Variants in STK25 observed in about 807,000 individuals in gnomAD.
STK25 encodes serine/threonine kinase 25, also known as serine/threonine-protein kinase 25.
A neutral mutation model predicts 53.8 loss-of-function variants in STK25; 29 were observed. The ratio of observed to expected loss-of-function variants is 0.54; its 90% CI spans 0.40 to 0.74. The LOEUF (loss-of-function observed/expected upper bound fraction) is 0.74. Ranked by LOEUF, STK25 falls within the 30% of genes least tolerant of loss-of-function variation. The pLI, the probability that STK25 is intolerant of heterozygous loss-of-function variation, is 0.00. For missense variants in STK25, 420 were observed against 568.0 expected (o/e 0.74, Z 2.65); for synonymous variants, 247 against 238.3 (o/e 1.04, Z -0.33).
Position 241,493,312 on chromosome 2 carries a change from G to A in STK25, c.*2350C>T, listed in dbSNP as rs753995061. ...TTGCAGGATGACTACCCACTGGCCA[G>A]CCTCCCGCTGCTGGGCTACAGCGTG... On this transcript the variant is annotated 3_prime_UTR_variant, in exon 12 of 12. Coordinates refer to ENST00000316586, the MANE Select transcript of STK25 (RefSeq NM_001271977.2). The A allele has an allele frequency of 1.2e-6, 2 of 1,613,864 alleles. No homozygotes were observed. Among genetic ancestry groups the A allele is most frequent in the Non-Finnish European group, 1.7e-6 (2 of 1,179,992 alleles).
rs185787569 is a variant in STK25 at position 241,495,713 on chromosome 2, A to G, written c.1242-12T>C. 835 of 1,613,962 alleles carry G rather than the reference A, an allele frequency of 5.2e-4. 9 individuals are homozygous for G. In the Admixed American group the frequency reaches 0.013, roughly 25 times the overall value. On this transcript the variant is annotated splice_polypyrimidine_tract_variant and intron_variant, in intron 11 of 11. Transcript: ENST00000316586. ...TGTTGTGTGAAAACCTGCAGAGAGA[A>G]GAGCCCACTGCTGCGTGCGTGCACC...
rs1050128052 is a variant in STK25 at position 241,493,269 on chromosome 2, C to T, written c.*2393G>A. 5.0e-6 allele frequency: 8 copies of T among 1,610,478 alleles called. No individual in the cohort carries two copies. In the African/African-American group the frequency reaches 5.3e-5, roughly 11 times the overall value. On this transcript the variant is annotated 3_prime_UTR_variant, in exon 12 of 12. Coordinates refer to ENST00000316586, the MANE Select transcript of STK25 (RefSeq NM_001271977.2). Reference sequence around the variant, plus strand: ...CCTGTGGCAACCCAGCCCCTGGAACCCGTGTCCCTATGCTGTCTTGCAGGA... The same window carrying T: ...CCTGTGGCAACCCAGCCCCTGGAACTCGTGTCCCTATGCTGTCTTGCAGGA...
intron 10 of STK25, chr2:241,497,357 GA>G (rs2065236599): frequency 2.0e-6 from 1 of 489,938 alleles, no homozygotes; most frequent in Non-Finnish European, 3.7e-6. Context: ...TTTCTCTATA[GA>G]AGGATCATCT....
chr2:241,494,022 T>TC lies in STK25; in HGVS notation c.*1639dup. 7.2e-7 allele frequency: 1 copy of TC among 1,394,434 alleles called. No homozygotes were observed. Among genetic ancestry groups the TC allele is most frequent in the Non-Finnish European group, 9.3e-7 (1 of 1,071,618 alleles). 86.4% of individuals were successfully genotyped at this position (1,394,434 alleles called of 1,614,324 possible). On this transcript the variant is annotated 3_prime_UTR_variant, in exon 12 of 12. Transcript: ENST00000316586. This position sits in a 1 kb window ranked among gnomAD's most constrained non-coding sequence, Gnocchi z 4.9. ...CTCTCCTCCAGGTGGATGGAGGTGATCCAGGGGGCCAGCAGCTCAGCCGGG... is the reference window on the plus strand; with the variant it reads ...CTCTCCTCCAGGTGGATGGAGGTGATCCCAGGGGGCCAGCAGCTCAGCCGGG...
chr2:241,498,906 C>T, intron 7 of STK25, 83 bp downstream of exon 7: 1 of 1,608,944 alleles, frequency 6.2e-7, no homozygotes, highest in Admixed American at 1.7e-5. Flanking sequence ...GGGCCTGGGC[C>T]TCCGGGCTGT....
rs2065528621 is a variant in STK25 at position 241,501,781 on chromosome 2, C to G, written c.31-73G>C. The G allele has an allele frequency of 8.3e-7, 1 of 1,210,148 alleles. No homozygotes were observed. Among genetic ancestry groups the G allele is most frequent in the Non-Finnish European group, 1.2e-6 (1 of 840,218 alleles). 75.0% of individuals were successfully genotyped at this position (1,210,148 alleles called of 1,614,324 possible). ...AGGCGGGGGACAGGCAGAGGCTGCC[C>G]TGCTGGGGAGGAAGGGACCTGTAGG... On this transcript the variant is annotated intron_variant, in intron 2 of 11. Coordinates refer to ENST00000316586, the MANE Select transcript of STK25 (RefSeq NM_001271977.2). The surrounding 1 kb of genome is among the most constrained non-coding windows in gnomAD (Gnocchi z 5.3).
chr2:241,498,487 T>G lies in STK25; in HGVS notation c.918-138A>C, dbSNP rs2065309801. ...CAGGCCACGGGGTCCAGCTGATGCC[T>G]CAGCAGGCCCTGTCCTGCAGCCTTG... On this transcript the variant is annotated intron_variant, in intron 8 of 11. Coordinates refer to ENST00000316586, the MANE Select transcript of STK25 (RefSeq NM_001271977.2). 8 of 1,251,488 alleles carry G rather than the reference T, an allele frequency of 6.4e-6. No homozygotes were observed. The South Asian group carries it at 1.0e-4, about 16-fold the overall frequency. 77.5% of individuals were successfully genotyped at this position (1,251,488 alleles called of 1,614,324 possible).
Position 241,493,545 on chromosome 2 carries a change from AAAGG to A in STK25, c.*2113_*2116del. 1.8e-6 allele frequency: 2 copies of A among 1,102,888 alleles called. No homozygotes were observed. The highest frequency in any genetic ancestry group is 2.7e-6 in the Non-Finnish European group (2 of 734,040). The allele number at this position is 1,102,888 out of a possible 1,614,324, so 68.3% of individuals were successfully genotyped here. On this transcript the variant is annotated 3_prime_UTR_variant, in exon 12 of 12. Transcript: ENST00000316586. ...TGGAGGCAAGTTTTCTGGGCCCTGG[AAAGG>A]AAGGGCTGAGCAATGCTTCCAGCAT...
intron 2 of STK25, chr2:241,504,167 A>G (rs2065681322): frequency 2.1e-6 from 1 of 469,344 alleles, no homozygotes; most frequent in Non-Finnish European, 4.4e-6. Context: ...TGGCTTGTCA[A>G]GGCCCGGGGG....
chr2:241,495,363 C>T lies in STK25; in HGVS notation c.*299G>A. 1 of 415,702 alleles carries T rather than the reference C, an allele frequency of 2.4e-6. No individual in the cohort carries two copies. Among genetic ancestry groups the T allele is most frequent in the South Asian group, 3.0e-5 (1 of 33,486 alleles). The allele number at this position is 415,702 out of a possible 1,614,324, so 25.8% of individuals were successfully genotyped here. A position where few individuals can be genotyped will look rare whatever the true frequency, so the allele number is the denominator to read the frequency against. ...TAGGGCTGCATGAGTCTGCAGAAGA[C>T]CCAGGCGTAGCTCATGAGGGCCACG... On this transcript the variant is annotated 3_prime_UTR_variant, in exon 12 of 12. Coordinates refer to ENST00000316586, the MANE Select transcript of STK25 (RefSeq NM_001271977.2).
rs2065327465 is a variant in STK25 at position 241,498,704 on chromosome 2, G to C, written c.852C>G (p.Ile284Met). The part of the protein sequence containing the change: ...TKKTSFLTEL[I>M]DRYKRWKSEG... ...CTGACTTCCAGCGCTTATAGCGGTCGATGAGCTCCGTGAGGAAGGAGGTCT... is the reference window on the plus strand; with the variant it reads ...CTGACTTCCAGCGCTTATAGCGGTCCATGAGCTCCGTGAGGAAGGAGGTCT... The change falls in exon 8 of 12, where the codon ATC becomes ATG. Residue 284 changes from isoleucine (I) to methionine (M), a missense_variant. Coordinates refer to ENST00000316586, the MANE Select transcript of STK25 (RefSeq NM_001271977.2). 5 of 1,614,126 alleles carry C rather than the reference G, an allele frequency of 3.1e-6. No homozygotes were observed. Among genetic ancestry groups the C allele is most frequent in the Non-Finnish European group, 4.2e-6 (5 of 1,180,028 alleles).
At chr2:241,508,605 G>A (rs1328762921), upstream of STK25, 6 of 987,030 alleles carry the variant, frequency 6.1e-6, no homozygotes, top group African/African-American at 3.5e-5. Flanking sequence ...CGGCGAGGGC[G>A]GTGCTCGGCG....
At chr2:241,506,661 G>A (rs1160668766) in intron 2 of STK25, among the ~76,000 whole-genome samples, 1 of 152,168 alleles carries the variant, frequency 6.6e-6, no homozygotes, top group African/African-American at 2.4e-5. Flanking sequence ...AAGCTACTTG[G>A]GAGGCCAAGA....
Position 241,497,805 on chromosome 2 carries a change from C to G in STK25, c.1033-118G>C. The G allele has an allele frequency of 1.0e-5, 11 of 1,061,772 alleles. 1 individual carries two copies. The South Asian group carries it at 1.5e-4, about 15-fold the overall frequency. The allele number at this position is 1,061,772 out of a possible 1,614,324, so 65.8% of individuals were successfully genotyped here. A position where few individuals can be genotyped will look rare whatever the true frequency, so the allele number is the denominator to read the frequency against. On this transcript the variant is annotated intron_variant, in intron 9 of 11. Coordinates refer to ENST00000316586, the MANE Select transcript of STK25 (RefSeq NM_001271977.2). The stretch of plus-strand genomic sequence containing the variant: ...AGAGGCTGGGAGCAGCCTGTCGGGG[C>G]ACATGTCCAGGGCCGGCCCCAAAAC...
chr2:241,509,097 T>G (rs1429747068), upstream of STK25: 2 of 152,354 alleles, frequency 1.3e-5, no homozygotes, highest in Admixed American at 1.3e-4. Context: ...GCGAAGCCCC[T>G]GTTCGTACTG....
At position 241,498,257 on chromosome 2, in the gene STK25, G is replaced by A. The variant is rs776951697; in HGVS notation, c.1010C>T (p.Thr337Met). Residue 337 changes from threonine (T) to methionine (M), a missense_variant, in exon 9 of 12, where the codon ACG becomes ATG. Thr to Met is a moderately conservative substitution (Grantham distance 81, BLOSUM62 -1). Coordinates refer to ENST00000316586, the MANE Select transcript of STK25 (RefSeq NM_001271977.2). ...PSPHSKLHKGTALHSSQKPAE... is the reference protein window; with the variant it reads ...PSPHSKLHKGMALHSSQKPAE... ...GACCTTCTGTGAACTGTGCAGGGCC[G>A]TCCCCTTGTGAAGCTTGCTGTGTGG... 17 of 1,612,186 alleles carry A rather than the reference G, an allele frequency of 1.1e-5. No individual in the cohort carries two copies. Among genetic ancestry groups the A allele is most frequent in the East Asian group, 4.5e-5 (2 of 44,820 alleles).
chr2:241,498,173 C>T, intron 9 of STK25, 62 bp downstream of exon 9: 3 of 1,474,376 alleles, frequency 2.0e-6, no homozygotes, highest in Non-Finnish European at 2.8e-6. Flanking sequence ...CTGGGTCCCG[C>T]ATCCAGCCCA....
intron 2 of STK25, chr2:241,503,960 C>A: frequency 2.1e-6 from 1 of 465,960 alleles, no homozygotes; most frequent in South Asian, 1.6e-5. Context: ...GGCGACACTT[C>A]CGTGTGAAAC....
At chr2:241,502,267 C>T (rs1183078373) in intron 2 of STK25, among the ~76,000 whole-genome samples, 11 of 152,138 alleles carry the variant, frequency 7.2e-5, no homozygotes, top group Non-Finnish European at 1.0e-4. Flanking sequence ...CAGGCCAACT[C>T]GATGAACCCT....
Sources: gnomAD v4.1 joint callset for allele counts (sites outside exome capture counted in the v4.1 genomes callset) on GRCh38, gnomAD v4.1.1 for gene constraint, Gnocchi (gnomAD v3.1) non-coding constraint, MANE v1.5 for transcripts, NCBI Gene and HGNC (gene_info 2026-07-23, HGNC 2026-07-21) for gene names.